BDKRB1: variants seen among roughly 807,000 people sequenced by gnomAD.
BDKRB1 encodes the protein bradykinin receptor B1.
For missense variants in BDKRB1, 414 were observed against 441.4 expected (o/e 0.94, Z 0.56); for synonymous variants, 192 against 189.1 (o/e 1.02, Z -0.13).
intron 1 of BDKRB1, among the ~76,000 whole-genome samples, 165 bp downstream of exon 1, chr14:96,256,465 G>A (rs892688444): frequency 6.6e-6 from 1 of 152,132 alleles, no homozygotes; most frequent in African/African-American, 2.4e-5. Context: ...CAATTTAAGA[G>A]ACTTTTATTT....
Position 96,264,171 on chromosome 14 carries a change from T to G in BDKRB1, c.489T>G (p.Val163=). 1 of 1,606,658 alleles carries G rather than the reference T, an allele frequency of 6.2e-7. No homozygotes were observed. Among genetic ancestry groups the G allele is most frequent in the Non-Finnish European group, 8.5e-7 (1 of 1,175,614 alleles). Residue 163 remains valine, a synonymous_variant, in exon 3 of 3, where the codon GTT becomes GTG. Coordinates refer to ENST00000216629, the MANE Select transcript of BDKRB1 (RefSeq NM_000710.4). ...GGGTCACCTGCGTGCTCATCTGGGT[T>G]GTGGGGGGCCTCTTGAGCATCCCCA... is the stretch of plus-strand genomic sequence containing the variant. The part of the protein sequence containing the change: ...QARVTCVLIW[V]VGGLLSIPTF...
intron 1 of BDKRB1, among the ~76,000 whole-genome samples, chr14:96,261,375 G>A (rs1236772160): frequency 2.0e-5 from 3 of 152,188 alleles, no homozygotes; most frequent in Non-Finnish European, 4.4e-5. Context: ...GTAAATACTT[G>A]TTCAGCAAAT....
chr14:96,257,995 AGGAG>A (rs1024187667), intron 1 of BDKRB1, among the ~76,000 whole-genome samples: 2 of 151,212 alleles, frequency 1.3e-5, no homozygotes, highest in Admixed American at 1.3e-4. Flanking sequence ...GAAGGAGAGA[AGGAG>A]GGAATGAAGG....
intron 1 of BDKRB1, among the ~76,000 whole-genome samples, chr14:96,262,272 A>G (rs1260880136): frequency 1.3e-5 from 2 of 152,232 alleles, no homozygotes; most frequent in African/African-American, 4.8e-5. Context: ...GGACAGGTGC[A>G]GCAGAAGAGA....
chr14:96,256,757 G>A (rs577733065), intron 1 of BDKRB1, among the ~76,000 whole-genome samples: 12 of 152,324 alleles, frequency 7.9e-5, no homozygotes, highest in South Asian at 4.1e-4. Flanking sequence ...CTATGTGACC[G>A]TGCTGATGGT....
In BDKRB1 at chr14:96,264,423, G is replaced by C. The variant is rs1885841815; in HGVS notation, c.741G>C (p.Lys247Asn). The C allele has an allele frequency of 6.2e-7, 1 of 1,614,236 alleles. No individual in the cohort carries two copies. The highest frequency in any genetic ancestry group is 8.5e-7 in the Non-Finnish European group (1 of 1,180,048). The change falls in exon 3 of 3, where the codon AAG becomes AAC. Residue 247 changes from lysine to asparagine, a missense_variant. Lys to Asn is a moderately conservative substitution (Grantham distance 94). Coordinates refer to ENST00000216629, the MANE Select transcript of BDKRB1 (RefSeq NM_000710.4). Reference protein sequence around the residue: ...RTRCGGRKDSKTTALILTLVV... With the variant: ...RTRCGGRKDSNTTALILTLVV... The stretch of plus-strand genomic sequence containing the variant: ...GGTGCGGGGGCCGCAAGGATAGCAA[G>C]ACCACAGCGCTGATCCTCACGCTCG...
chr14:96,262,565 A>G (rs1266922348), intron 1 of BDKRB1, 87 bp from the exon 2 acceptor site: 2 of 404,864 alleles, frequency 4.9e-6, no homozygotes, highest in African/African-American at 2.3e-5. Context: ...TTTATTACTC[A>G]TGCTTTCCTT....
chr14:96,263,585 T>C, intron 2 of BDKRB1, 88 bp from the exon 3 acceptor site: 1 of 1,398,230 alleles, frequency 7.2e-7, no homozygotes, highest in Non-Finnish European at 9.5e-7. Flanking sequence ...AATAAAACTT[T>C]ATTGTCCAAA....
chr14:96,260,460 A>C (rs1162015916), intron 1 of BDKRB1, among the ~76,000 whole-genome samples: 2 of 152,372 alleles, frequency 1.3e-5, no homozygotes, highest in African/African-American at 4.8e-5. Context: ...TCTGCTCATC[A>C]ACAACTTCCT....
chr14:96,263,801 T>C lies in BDKRB1; in HGVS notation c.119T>C (p.Leu40Pro). Reference sequence around the variant, plus strand: ...GCCTGGGACCTGCTGCACAGAGTGCTGCCAACATTTATCATCTCCATCTGT... The same window carrying C: ...GCCTGGGACCTGCTGCACAGAGTGCCGCCAACATTTATCATCTCCATCTGT... ...PEAWDLLHRV[L>P]PTFIISICFF... The change falls in exon 3 of 3, where the codon CTG becomes CCG. Residue 40 changes from leucine (L) to proline (P), a missense_variant. Coordinates refer to ENST00000216629, the MANE Select transcript of BDKRB1 (RefSeq NM_000710.4). 1 of 1,614,236 alleles carries C rather than the reference T, an allele frequency of 6.2e-7. No homozygotes were observed. The highest frequency in any genetic ancestry group is 8.5e-7 in the Non-Finnish European group (1 of 1,180,034).
Position 96,264,449 on chromosome 14 carries a change from T to C in BDKRB1, c.767T>C (p.Val256Ala). Reference protein sequence around the residue: ...SKTTALILTLVVAFLVCWAPY... With the variant: ...SKTTALILTLAVAFLVCWAPY... The stretch of plus-strand genomic sequence containing the variant: ...ACCACAGCGCTGATCCTCACGCTCG[T>C]GGTTGCCTTCCTGGTCTGCTGGGCC... The change falls in exon 3 of 3, where the codon GTG (valine) becomes GCG (alanine). Residue 256 changes from valine to alanine, a missense_variant. Transcript: ENST00000216629. The C allele has an allele frequency of 6.2e-7, 1 of 1,614,234 alleles. No homozygotes were observed.
Position 96,264,286 on chromosome 14 carries a change from A to G in BDKRB1, c.604A>G (p.Arg202Gly). 2 of 1,614,186 alleles carry G rather than the reference A, an allele frequency of 1.2e-6. No homozygotes were observed. The highest frequency in any genetic ancestry group is 1.7e-6 in the Non-Finnish European group (2 of 1,180,028). Reference protein sequence around the residue: ...LLPHEAWHFARIVELNILGFL... With the variant: ...LLPHEAWHFAGIVELNILGFL... ...CCCCCATGAGGCCTGGCACTTTGCA[A>G]GGATTGTGGAGTTAAATATTCTGGG... Residue 202 changes from arginine (R) to glycine (G), a missense_variant, in exon 3 of 3, where the codon AGG becomes GGG. Physicochemically the swap from Arg to Gly is moderately radical, Grantham distance 125. Coordinates refer to ENST00000216629, the MANE Select transcript of BDKRB1 (RefSeq NM_000710.4).
chr14:96,260,564 G>A (rs1885725232), intron 1 of BDKRB1, among the ~76,000 whole-genome samples: 1 of 152,078 alleles, frequency 6.6e-6, no homozygotes, highest in African/African-American at 2.4e-5. Flanking sequence ...TTTAAGTATT[G>A]CCAAATGATA....
intron 2 of BDKRB1, 46 bp from the exon 3 acceptor site, chr14:96,263,627 T>C: frequency 6.5e-7 from 1 of 1,535,060 alleles, no homozygotes. Flanking sequence ...GCTCATAGGC[T>C]GTAGTCTGCC....
In BDKRB1 at chr14:96,263,823, C is replaced by A. The variant is rs779136878; in HGVS notation, c.141C>A (p.Ile47=). The change falls in exon 3 of 3, where the codon ATC becomes ATA. Residue 47 remains isoleucine (I), a synonymous_variant. Coordinates refer to ENST00000216629, the MANE Select transcript of BDKRB1 (RefSeq NM_000710.4). ...TGCTGCCAACATTTATCATCTCCATCTGTTTCTTCGGCCTCCTAGGGAACC... is the reference window on the plus strand; with the variant it reads ...TGCTGCCAACATTTATCATCTCCATATGTTTCTTCGGCCTCCTAGGGAACC... The part of the protein sequence containing the change: ...HRVLPTFIIS[I]CFFGLLGNLF... 6.8e-6 allele frequency: 11 copies of A among 1,614,210 alleles called. No homozygotes were observed. The South Asian group carries it at 1.1e-4, about 16-fold the overall frequency.
chr14:96,264,731 T>C lies in BDKRB1; in HGVS notation c.1049T>C (p.Phe350Ser). The C allele has an allele frequency of 1.2e-6, 2 of 1,607,010 alleles. No individual in the cohort carries two copies. Among genetic ancestry groups the C allele is most frequent in the Non-Finnish European group, 1.7e-6 (2 of 1,177,694 alleles). ...SSHRKEIFQL[F>S]WRN ...CATAGGAAAGAAATCTTCCAACTTT[T>C]CTGGCGGAATTAAAACAGCATTGAA... is the stretch of plus-strand genomic sequence containing the variant. The change falls in exon 3 of 3, where the codon TTC becomes TCC. Residue 350 changes from phenylalanine (F) to serine (S), a missense_variant. Physicochemically the swap from Phe to Ser is radical, Grantham distance 155. Transcript: ENST00000216629.
At chr14:96,262,936 T>C (rs920988980) in intron 2 of BDKRB1, among the ~76,000 whole-genome samples, 166 bp downstream of exon 2, 14 of 152,198 alleles carry the variant, frequency 9.2e-5, no homozygotes, top group East Asian at 5.8e-4. Flanking sequence ...CCAATACTCA[T>C]GTTTTTCAAG....
chr14:96,260,616 C>G (rs1411674579), intron 1 of BDKRB1, among the ~76,000 whole-genome samples: 3 of 152,076 alleles, frequency 2.0e-5, no homozygotes, highest in African/African-American at 4.8e-5. Context: ...AAAAAATGAC[C>G]AAACTATTGT....
chr14:96,262,603 CT>C, intron 1 of BDKRB1, 48 bp from the exon 2 acceptor site: 11 of 384,868 alleles, frequency 2.9e-5, no homozygotes, highest in African/African-American at 8.2e-5. Flanking sequence ...CTCTCTCTCT[CT>C]CCTTTTTTTT....
Sources: allele counts gnomAD v4.1 joint callset (sites outside exome capture counted in the v4.1 genomes callset), GRCh38; gene constraint gnomAD v4.1.1; transcripts MANE v1.5; gene names NCBI Gene and HGNC (gene_info 2026-07-23, HGNC 2026-07-21).